Variants in ABR observed in about 807,000 individuals in gnomAD.
The protein encoded by ABR is ABR activator of RhoGEF and GTPase.
A neutral mutation model predicts 107.2 loss-of-function variants in ABR; 35 were observed. The ratio of observed to expected loss-of-function variants is 0.33; its 90% CI spans 0.25 to 0.43. The LOEUF (loss-of-function observed/expected upper bound fraction) is 0.43, where lower values mean the gene tolerates loss of function less well. Ranked by LOEUF, ABR falls within the 20% of genes least tolerant of loss-of-function variation. The pLI is 1.00. For synonymous variants in ABR, 498 were observed against 462.0 expected (o/e 1.08, Z -1.00); for missense variants, 815 against 1,115.2 (o/e 0.73, Z 3.83).
chr17:1,110,053 A>C (rs1960893), intron 2 of ABR, among the ~76,000 whole-genome samples: 1 of 141,920 alleles, frequency 7.0e-6, no homozygotes, highest in African/African-American at 2.6e-5. Flanking sequence ...CACCTCCTCC[A>C]AGCAGCCCCC....
At chr17:1,046,370 T>C (rs1305042894) in intron 16 of ABR, among the ~76,000 whole-genome samples, 2 of 139,812 alleles carry the variant, frequency 1.4e-5, no homozygotes, top group African/African-American at 5.0e-5. Flanking sequence ...ACTCCCGACC[T>C]TGTAATCCGC....
At chr17:1,102,523 C>T (rs1048002696) in intron 2 of ABR, among the ~76,000 whole-genome samples, 1 of 152,138 alleles carries the variant, frequency 6.6e-6, no homozygotes, top group Non-Finnish European at 1.5e-5. Context: ...ACATAAAATA[C>T]AATAACACTA....
intron 6 of ABR, among the ~76,000 whole-genome samples, chr17:1,076,812 C>T (rs187021417): frequency 1.2e-3 from 176 of 152,064 alleles, no homozygotes; most frequent in African/African-American, 4.1e-3. Flanking sequence ...GTGCTCCCCA[C>T]GGCCCCTGCA....
chr17:1,007,180 A>G lies in ABR; in HGVS notation c.2475T>C (p.His825=), dbSNP rs1361989362. ...HLTSAADIWS[H]DVMAQVQVLL... Reference sequence around the variant, plus strand: ...GCCAGGGTACCTGCGCCATGACGTCATGGGACCAGATGTCCGCAGCCGAGG... The same window carrying G: ...GCCAGGGTACCTGCGCCATGACGTCGTGGGACCAGATGTCCGCAGCCGAGG... Residue 825 remains histidine (H), a synonymous_variant, in exon 22 of 23, where the codon CAT becomes CAC. Coordinates refer to ENST00000302538, the MANE Select transcript of ABR (RefSeq NM_021962.5). 16 of 1,613,660 alleles carry G rather than the reference A, an allele frequency of 9.9e-6. No homozygotes were observed. Among genetic ancestry groups the G allele is most frequent in the African/African-American group, 6.7e-5 (5 of 74,916 alleles).
chr17:1,111,950 C>T (rs142953387), intron 2 of ABR, among the ~76,000 whole-genome samples: 2 of 152,364 alleles, frequency 1.3e-5, no homozygotes, highest in East Asian at 3.9e-4. Context: ...TCTGAAACAG[C>T]TTCCCCTTCC....
intron 1 of ABR, among the ~76,000 whole-genome samples, chr17:1,178,579 A>G (rs1328085529): frequency 6.8e-6 from 1 of 146,350 alleles, no homozygotes; most frequent in East Asian, 2.0e-4. Flanking sequence ...AAAAAAAAAA[A>G]GAAAGAAAAC....
At chr17:1,153,933 A>G in intron 1 of ABR, 3 of 171,628 alleles carry the variant, frequency 1.7e-5, no homozygotes, top group Non-Finnish European at 3.7e-5. Flanking sequence ...TCACCATAGC[A>G]ACAGGCTCCC....
At chr17:1,069,492 C>T (rs1385326623) in intron 9 of ABR, among the ~76,000 whole-genome samples, 2 of 152,046 alleles carry the variant, frequency 1.3e-5, no homozygotes, top group African/African-American at 2.4e-5. Context: ...GGCAAAACCC[C>T]GTCTCTACTA....
At chr17:1,144,356 G>A (rs949612542) in intron 1 of ABR, among the ~76,000 whole-genome samples, 2 of 151,562 alleles carry the variant, frequency 1.3e-5, no homozygotes, top group South Asian at 4.2e-4. Flanking sequence ...CCCCAGCTCC[G>A]TTACGAGTCG....
intron 16 of ABR, among the ~76,000 whole-genome samples, chr17:1,028,786 G>A (rs916714500): frequency 3.9e-5 from 6 of 152,162 alleles, no homozygotes; most frequent in African/African-American, 9.7e-5. Flanking sequence ...CCCCACCGCC[G>A]GCCAGCATCT....
intron 7 of ABR, among the ~76,000 whole-genome samples, chr17:1,073,234 T>C (rs1202384012): frequency 1.4e-5 from 2 of 147,112 alleles, no homozygotes; most frequent in Non-Finnish European, 3.0e-5. Context: ...GAGAGGGCCC[T>C]GGCTGCCCCC....
intron 10 of ABR, among the ~76,000 whole-genome samples, chr17:1,062,499 T>A (rs74780599): frequency 1.6e-5 from 2 of 121,232 alleles, no homozygotes. Context: ...ACTGTTGTTA[T>A]GTGAACTGAG....
chr17:1,015,500 A>G (rs893904097), intron 16 of ABR, among the ~76,000 whole-genome samples: 7 of 150,574 alleles, frequency 4.6e-5, no homozygotes, highest in African/African-American at 1.7e-4. Flanking sequence ...CTTATTGTCC[A>G]GGCCGGAGTG....
intron 7 of ABR, among the ~76,000 whole-genome samples, chr17:1,073,179 CA>C (rs35495689): frequency 0.026 from 1,363 of 53,222 alleles, 11 homozygotes; most frequent in East Asian, 0.11. Flanking sequence ...GACTCCGCCT[CA>C]AAAAAAAAAA....
intron 9 of ABR, among the ~76,000 whole-genome samples, chr17:1,068,235 T>C (rs2034916190): frequency 6.6e-6 from 1 of 152,218 alleles, no homozygotes; most frequent in Non-Finnish European, 1.5e-5. Flanking sequence ...GCCCGCCCAG[T>C]CATCCCTTTA....
At chr17:1,163,188 T>C (rs2041372849) in intron 1 of ABR, among the ~76,000 whole-genome samples, 1 of 152,106 alleles carries the variant, frequency 6.6e-6, no homozygotes, top group Admixed American at 6.6e-5. Context: ...AATAAGGGAG[T>C]TAATACAGAC....
intron 1 of ABR, among the ~76,000 whole-genome samples, chr17:1,133,896 C>T (rs72814074): frequency 0.013 from 1,935 of 152,324 alleles, 19 homozygotes; most frequent in Non-Finnish European, 0.021. Context: ...AAGGCCCTGA[C>T]TTTGATGATT....
intron 1 of ABR, among the ~76,000 whole-genome samples, chr17:1,204,402 G>A (rs1176422954): frequency 6.6e-6 from 1 of 151,952 alleles, no homozygotes; most frequent in East Asian, 1.9e-4. Flanking sequence ...CCGAGATTGC[G>A]CCACTGCGCT....
chr17:1,096,720 G>C (rs2020228), intron 3 of ABR, among the ~76,000 whole-genome samples: 12 of 151,494 alleles, frequency 7.9e-5, no homozygotes, highest in Admixed American at 5.9e-4. Context: ...CTGGGGAAGG[G>C]GGGGAACCTG....
Sources: gnomAD v4.1 joint callset for allele counts (sites outside exome capture counted in the v4.1 genomes callset) on GRCh38, gnomAD v4.1.1 for gene constraint, MANE v1.5 for transcripts, NCBI Gene and HGNC (gene_info 2026-07-23, HGNC 2026-07-21) for gene names.